The following NWD2 variants were observed in gnomAD, a reference collection of about 807,000 sequenced individuals.
NWD2 encodes the protein NACHT and WD repeat domain containing 2, also known as NACHT and WD repeat domain-containing protein 2.
A neutral mutation model predicts 132.7 loss-of-function variants in NWD2; 37 were observed. That is an observed-to-expected ratio of 0.28 (90% CI 0.21 to 0.37). The LOEUF (loss-of-function observed/expected upper bound fraction) is 0.37, where lower values mean the gene tolerates loss of function less well. Among genes scored for constraint, NWD2 ranks in the 10% least tolerant of loss-of-function variants. The pLI is 1.00. For missense variants in NWD2, 1,592 were observed against 2,122.4 expected, an observed-to-expected ratio of 0.75 and a Z score of 4.91; for synonymous variants, 705 against 803.0, an observed-to-expected ratio of 0.88 and a Z score of 2.06.
At chr4:37,295,963 G>C (rs1718481124) in intron 1 of NWD2, among the ~76,000 whole-genome samples, 1 of 152,084 alleles carries the variant, frequency 6.6e-6, no homozygotes, top group Non-Finnish European at 1.5e-5. Context: ...AATACTCATG[G>C]TGCCTTCAGG....
intron 3 of NWD2, among the ~76,000 whole-genome samples, chr4:37,379,057 T>A (rs552664353): frequency 2.4e-4 from 37 of 152,336 alleles, no homozygotes; most frequent in African/African-American, 8.2e-4. Context: ...CTTGATAATC[T>A]GGACTCCTCA....
chr4:37,316,078 A>ATACT (rs10641479), intron 1 of NWD2, among the ~76,000 whole-genome samples: 5,167 of 152,114 alleles, frequency 0.034, 295 homozygotes, highest in African/African-American at 0.12. Flanking sequence ...TCTTTTATAC[A>ATACT]TACTTACATA....
chr4:37,276,680 T>C (rs912652130), intron 1 of NWD2, among the ~76,000 whole-genome samples: 4 of 152,144 alleles, frequency 2.6e-5, no homozygotes, highest in African/African-American at 9.7e-5. Context: ...TAAAGACACA[T>C]GCACACGTAT....
At chr4:37,281,542 C>A (rs1275736706) in intron 1 of NWD2, among the ~76,000 whole-genome samples, 1 of 151,994 alleles carries the variant, frequency 6.6e-6, no homozygotes, top group Non-Finnish European at 1.5e-5. Context: ...GAACTGGGAC[C>A]CATCTCTCCG....
At chr4:37,425,303 C>G (rs1168170276) in intron 3 of NWD2, among the ~76,000 whole-genome samples, 1 of 152,178 alleles carries the variant, frequency 6.6e-6, no homozygotes, top group African/African-American at 2.4e-5. Context: ...CATGCAGAAA[C>G]TACATAAAAG....
chr4:37,394,973 C>T (rs1186837080), intron 3 of NWD2, among the ~76,000 whole-genome samples: 11 of 88,348 alleles, frequency 1.2e-4, no homozygotes, highest in South Asian at 4.7e-4. Flanking sequence ...CCACCATGCC[C>T]AGCTAATTTT....
At chr4:37,269,632 T>C (rs1717828596) in intron 1 of NWD2, among the ~76,000 whole-genome samples, 1 of 151,914 alleles carries the variant, frequency 6.6e-6, no homozygotes, top group African/African-American at 2.4e-5. Context: ...CCACTCAGCA[T>C]AAGGTTTTGA....
At chr4:37,359,624 T>C (rs1490911050) in intron 3 of NWD2, among the ~76,000 whole-genome samples, 1 of 152,154 alleles carries the variant, frequency 6.6e-6, no homozygotes, top group East Asian at 1.9e-4. Context: ...TTTTATATCT[T>C]CAAAGGCTTC....
chr4:37,333,004 C>T (rs1051683368), intron 2 of NWD2, among the ~76,000 whole-genome samples: 1 of 152,020 alleles, frequency 6.6e-6, no homozygotes, highest in Non-Finnish European at 1.5e-5. Flanking sequence ...GATTCCTCTG[C>T]TCGTGAAAAA....
At chr4:37,415,119 A>G (rs1426921325) in intron 3 of NWD2, among the ~76,000 whole-genome samples, 1 of 152,218 alleles carries the variant, frequency 6.6e-6, no homozygotes, top group Non-Finnish European at 1.5e-5. Flanking sequence ...AATTTGTTTT[A>G]AAGAGTTTTT....
At position 37,445,194 on chromosome 4, in the gene NWD2, A is replaced by G; in HGVS notation, c.3206A>G (p.Asn1069Ser). Reference protein sequence around the residue: ...TYINGFTLSANHALAWLEASK... With the variant: ...TYINGFTLSASHALAWLEASK... The stretch of plus-strand genomic sequence containing the variant: ...ATCAATGGATTTACACTGTCCGCCA[A>G]CCACGCCCTTGCATGGCTCGAAGCC... The change falls in exon 7 of 7, where the codon AAC (asparagine) becomes AGC (serine). Residue 1069 changes from asparagine to serine, a missense_variant. Physicochemically the swap from Asn to Ser is conservative, Grantham distance 46. Coordinates refer to ENST00000309447, the MANE Select transcript of NWD2 (RefSeq NM_001144990.2). The surrounding 1 kb of genome is among the most constrained non-coding windows in gnomAD (Gnocchi z 4.7). 2.6e-6 allele frequency: 4 copies of G among 1,551,954 alleles called. No individual in the cohort carries two copies. The highest frequency in any genetic ancestry group is 3.5e-6 in the Non-Finnish European group (4 of 1,147,058).
chr4:37,374,128 G>T (rs1274804844), intron 3 of NWD2, among the ~76,000 whole-genome samples: 1 of 152,210 alleles, frequency 6.6e-6, no homozygotes, highest in Non-Finnish European at 1.5e-5. Flanking sequence ...GATCCCTCAT[G>T]AATGGCTTGG....
intron 2 of NWD2, among the ~76,000 whole-genome samples, chr4:37,348,661 TATATATATATATATACAC>T (rs1340074290): frequency 5.4e-5 from 4 of 74,206 alleles, no homozygotes. Context: ...TATATATATA[TATATATATATATATACAC>T]ACACACACAC....
chr4:37,337,642 C>T (rs191543044), intron 2 of NWD2, among the ~76,000 whole-genome samples: 1 of 152,192 alleles, frequency 6.6e-6, no homozygotes, highest in Non-Finnish European at 1.5e-5. Context: ...TCTCCTTGGG[C>T]AGCACAGGCC....
At chr4:37,342,864 T>G (rs1210466782) in intron 2 of NWD2, among the ~76,000 whole-genome samples, 1 of 152,194 alleles carries the variant, frequency 6.6e-6, no homozygotes, top group African/African-American at 2.4e-5. Flanking sequence ...TTCTTTCTAG[T>G]GATCGTGTAT....
intron 1 of NWD2, among the ~76,000 whole-genome samples, chr4:37,309,400 C>T (rs1213732332): frequency 9.2e-5 from 14 of 152,048 alleles, no homozygotes; most frequent in Admixed American, 9.2e-4. Flanking sequence ...TGCATTGCCT[C>T]AGGTGCTGAG....
intron 1 of NWD2, among the ~76,000 whole-genome samples, chr4:37,293,406 T>G (rs906699853): frequency 2.0e-5 from 3 of 152,230 alleles, no homozygotes; most frequent in Non-Finnish European, 4.4e-5. Flanking sequence ...ACATATTTGC[T>G]AGTAATTTAA....
chr4:37,438,935 A>G lies in NWD2; in HGVS notation c.841A>G (p.Ile281Val). The G allele has an allele frequency of 6.4e-7, 1 of 1,552,130 alleles. No individual in the cohort carries two copies. The highest frequency in any genetic ancestry group is 8.7e-7 in the Non-Finnish European group (1 of 1,147,072). ...KIPEMGKYMD[I>V]TGTEPRIIRD... ...CCCAGAGATGGGAAAATACATGGATATAACTGGAACAGAACCGAGGATTAT... is the reference window on the plus strand; with the variant it reads ...CCCAGAGATGGGAAAATACATGGATGTAACTGGAACAGAACCGAGGATTAT... Residue 281 changes from isoleucine (I) to valine (V), a missense_variant, in exon 6 of 7, where the codon ATA (isoleucine) becomes GTA (valine). Around this residue, in one of 7 missense-constraint regions of NWD2, gnomAD observed 1,071 missense variants for 1,398.0 expected, o/e 0.77. Coordinates refer to ENST00000309447, the MANE Select transcript of NWD2 (RefSeq NM_001144990.2).
chr4:37,418,640 AAAT>A (rs1034168100), intron 3 of NWD2, among the ~76,000 whole-genome samples: 1 of 144,762 alleles, frequency 6.9e-6, no homozygotes, highest in Non-Finnish European at 1.5e-5. Context: ...CCAAAAAAAA[AAAT>A]ATATATATAT....
Sources: allele counts gnomAD v4.1 joint callset (sites outside exome capture counted in the v4.1 genomes callset), GRCh38; gene constraint gnomAD v4.1.1; regional missense constraint gnomAD v4.1.1; non-coding constraint Gnocchi (gnomAD v3.1); transcripts MANE v1.5; gene names NCBI Gene and HGNC (gene_info 2026-07-23, HGNC 2026-07-21).